SIGLEC6: variants seen among roughly 807,000 people sequenced by gnomAD.
The protein encoded by SIGLEC6 is sialic acid binding Ig like lectin 6.
Under a neutral mutation model 41.4 loss-of-function variants are expected in SIGLEC6, and 31 were observed. The observed-to-expected ratio is 0.75, with a 90% confidence interval of 0.56 to 1.01. The LOEUF (loss-of-function observed/expected upper bound fraction) is 1.01, where lower values mean the gene tolerates loss of function less well. Among genes scored for constraint, SIGLEC6 ranks in the 50% least tolerant of loss-of-function variants. The pLI is 0.00. For missense variants in SIGLEC6, 555 were observed against 558.6 expected (o/e 0.99, Z 0.06); for synonymous variants, 217 against 231.0 (o/e 0.94, Z 0.55).
At chr19:51,525,617 C>G in intron 7 of SIGLEC6, among the ~76,000 whole-genome samples, 1 of 152,206 alleles carries the variant, frequency 6.6e-6, no homozygotes, top group East Asian at 1.9e-4. Context: ...TGGTACTGCC[C>G]TTGATGTCTT....
rs759803891 is a variant in SIGLEC6, at chr19:51,520,140, T to C, written c.1304A>G (p.Gln435Arg). Residue 435 changes from glutamine (Q) to arginine (R), a missense_variant, in exon 8 of 8, where the codon CAA becomes CGA. By Grantham distance (43) the Gln-to-Arg change is conservative (BLOSUM62 1). Transcript: ENST00000425629. ...HYAVLHFHKV[Q>R]PQEPKVTDTE... ...GTCGGTGACCTTTGGTTCCTGAGGT[T>C]GCACCTTGTGGAAGTGTAGGACAGC... 1.9e-5 allele frequency: 30 copies of C among 1,603,846 alleles called. No homozygotes were observed. The highest frequency in any genetic ancestry group is 1.6e-4 in the East Asian group (7 of 44,638).
chr19:51,531,275 G>A lies in SIGLEC6; in HGVS notation c.312C>T (p.Cys104=), dbSNP rs1174370180. 3 of 1,614,188 alleles carry A rather than the reference G, an allele frequency of 1.9e-6. No homozygotes were observed. Among genetic ancestry groups the A allele is most frequent in the South Asian group, 1.1e-5 (1 of 91,086 alleles). The change falls in exon 2 of 8, where the codon TGC becomes TGT. Residue 104 remains cysteine, a synonymous_variant. Transcript: ENST00000425629. ...HLLWDPRRKN[C]SLSIRDARRR... ...TCCGGGCATCTCTGATGCTCAGGGA[G>A]CAGTTCTTCCTTCTGGGATCCCAGA...
Position 51,528,177 on chromosome 19 carries a change from A to G in SIGLEC6, c.1089T>C (p.Cys363=), listed in dbSNP as rs1979556415. Residue 363 remains cysteine (C), a synonymous_variant, in exon 6 of 8, where the codon TGT becomes TGC. Coordinates refer to ENST00000425629, the MANE Select transcript of SIGLEC6 (RefSeq NM_001245.7). ...GASITTLVFL[C]VCFIFRVKTR... ...ACTCTCACCTGAAGATGAAGCAAAC[A>G]CAGAGGAAAACCAGGGTTGTGATGC... 6 of 1,614,022 alleles carry G rather than the reference A, an allele frequency of 3.7e-6. No individual in the cohort carries two copies. Among genetic ancestry groups the G allele is most frequent in the Non-Finnish European group, 5.1e-6 (6 of 1,180,008 alleles).
At chr19:51,527,634 T>A in intron 7 of SIGLEC6, 113 bp downstream of exon 7, 1 of 810,344 alleles carries the variant, frequency 1.2e-6, no homozygotes, top group Non-Finnish European at 2.0e-6. Flanking sequence ...AAATGTCACA[T>A]GTGGAACCGC....
intron 5 of SIGLEC6, among the ~76,000 whole-genome samples, chr19:51,528,693 A>G (rs1007073173): frequency 1.3e-5 from 2 of 152,060 alleles, no homozygotes; most frequent in Admixed American, 6.6e-5. Flanking sequence ...TAAAAAGGGG[A>G]AAATGTGGGT....
chr19:51,522,953 T>C (rs1031624758), intron 7 of SIGLEC6, among the ~76,000 whole-genome samples: 3 of 152,054 alleles, frequency 2.0e-5, no homozygotes, highest in Non-Finnish European at 4.4e-5. Flanking sequence ...CTGGGCAACA[T>C]GGTGAGACCC....
intron 7 of SIGLEC6, among the ~76,000 whole-genome samples, chr19:51,522,383 A>G (rs1321349150): frequency 6.6e-6 from 1 of 152,272 alleles, no homozygotes; most frequent in Non-Finnish European, 1.5e-5. Flanking sequence ...ACCTATGCGA[A>G]GAAGCTGTGG....
At chr19:51,522,536 G>T (rs1314546185) in intron 7 of SIGLEC6, among the ~76,000 whole-genome samples, 1 of 152,208 alleles carries the variant, frequency 6.6e-6, no homozygotes, top group East Asian at 1.9e-4. Context: ...TGTAATCCCA[G>T]AACTTTGGGA....
At position 51,520,078 on chromosome 19, in the gene SIGLEC6, T is replaced by C. The variant is rs199828621; in HGVS notation, c.*4A>G. On this transcript the variant is annotated 3_prime_UTR_variant, in exon 8 of 8. Coordinates refer to ENST00000425629, the MANE Select transcript of SIGLEC6 (RefSeq NM_001245.7). ...CAATCAAGGTTATGGCTTTGGACAATTCCTCACTTGTGTATCTTGATTTCT... is the reference window on the plus strand; with the variant it reads ...CAATCAAGGTTATGGCTTTGGACAACTCCTCACTTGTGTATCTTGATTTCT... 5,618 of 1,550,600 alleles carry C rather than the reference T, an allele frequency of 3.6e-3. 19 individuals carry two copies. The highest frequency in any genetic ancestry group is 4.3e-3 in the Non-Finnish European group (4,904 of 1,134,136).
intron 7 of SIGLEC6, among the ~76,000 whole-genome samples, chr19:51,524,559 T>C (rs1978876944): frequency 1.3e-5 from 2 of 152,232 alleles, no homozygotes; most frequent in Admixed American, 6.5e-5. Context: ...CTTGACCTGA[T>C]TGACATTTAT....
At position 51,523,534 on chromosome 19, in the gene SIGLEC6, C is replaced by A. The variant is rs534390625; in HGVS notation, c.1189-3279G>T. Among the ~76,000 whole-genome samples the A allele has an allele frequency of 9.2e-5, 14 of 152,222 alleles. No homozygotes were observed. The East Asian group carries it at 2.7e-3, about 29-fold the overall frequency. ...CATGTCATAATCCTATTGCTGAAAA[C>A]CAACAAGGAAAAGAAATGTGCCCTA... is the stretch of plus-strand genomic sequence containing the variant. On this transcript the variant is annotated intron_variant, in intron 7 of 7. Coordinates refer to ENST00000425629, the MANE Select transcript of SIGLEC6 (RefSeq NM_001245.7).
chr19:51,531,497 T>A lies in SIGLEC6; in HGVS notation c.90A>T (p.Arg30Ser), dbSNP rs1373991523. 4.3e-6 allele frequency: 7 copies of A among 1,613,630 alleles called. No individual in the cohort carries two copies. Among genetic ancestry groups the A allele is most frequent in the Non-Finnish European group, 5.9e-6 (7 of 1,179,842 alleles). The change falls in exon 2 of 8, where the codon AGA becomes AGT. Residue 30 changes from arginine (R) to serine (S), a missense_variant. Transcript: ENST00000425629. ...GTGACTCTGGCCCCTCCAGCTGGAATCTCCGCTCCTGAGCCAGGGCCCCTA... is the reference window on the plus strand; with the variant it reads ...GTGACTCTGGCCCCTCCAGCTGGAAACTCCGCTCCTGAGCCAGGGCCCCTA... Reference protein sequence around the residue: ...LWAGALAQERRFQLEGPESLT... With the variant: ...LWAGALAQERSFQLEGPESLT...
intron 7 of SIGLEC6, among the ~76,000 whole-genome samples, chr19:51,523,885 C>T (rs1037897238): frequency 1.7e-4 from 26 of 152,092 alleles, no homozygotes; most frequent in South Asian, 4.2e-4. Context: ...TAGCTGGGCG[C>T]GGTGGCGGGC....
chr19:51,525,069 G>A (rs1195869718), intron 7 of SIGLEC6, among the ~76,000 whole-genome samples: 1 of 152,170 alleles, frequency 6.6e-6, no homozygotes, highest in Admixed American at 6.5e-5. Flanking sequence ...TGAGCAGCTG[G>A]GCACCAGGTG....
chr19:51,531,195 C>G lies in SIGLEC6; in HGVS notation c.392G>C (p.Gly131Ala). ...CACAGAGAGCTTGGAAGATGTATAA[C>G]CGTATTTCATCCATTTGGACTTCAA... ...FRLKSKWMKYGYTSSKLSVRV... is the reference protein window; with the variant it reads ...FRLKSKWMKYAYTSSKLSVRV... Residue 131 changes from glycine to alanine, a missense_variant, in exon 2 of 8, where the codon GGT (glycine) becomes GCT (alanine). Coordinates refer to ENST00000425629, the MANE Select transcript of SIGLEC6 (RefSeq NM_001245.7). 6.2e-7 allele frequency: 1 copy of G among 1,605,852 alleles called. No individual in the cohort carries two copies. Among genetic ancestry groups the G allele is most frequent in the Non-Finnish European group, 8.5e-7 (1 of 1,175,396 alleles).
In SIGLEC6 at chr19:51,531,255, G is replaced by T; in HGVS notation, c.332C>A (p.Ala111Asp). ...RKNCSLSIRD[A>D]RRRDNAAYFF... is the part of the protein sequence containing the mutation. ...GTATGCAGCATTGTCCCTCCTCCGG[G>T]CATCTCTGATGCTCAGGGAGCAGTT... The change falls in exon 2 of 8, where the codon GCC (alanine) becomes GAC (aspartate). Residue 111 changes from alanine to aspartate, a missense_variant. Transcript: ENST00000425629. 1 of 1,614,140 alleles carries T rather than the reference G, an allele frequency of 6.2e-7. No individual in the cohort carries two copies. The highest frequency in any genetic ancestry group is 1.3e-5 in the African/African-American group (1 of 75,038).
chr19:51,525,509 A>G (rs1469777690), intron 7 of SIGLEC6, among the ~76,000 whole-genome samples: 1 of 152,178 alleles, frequency 6.6e-6, no homozygotes, highest in Non-Finnish European at 1.5e-5. Flanking sequence ...CCCCCAGCAC[A>G]GCTGCCCTGC....
intron 5 of SIGLEC6, 99 bp downstream of exon 5, chr19:51,529,625 T>C: frequency 2.0e-6 from 3 of 1,502,944 alleles, no homozygotes; most frequent in South Asian, 2.4e-5. Flanking sequence ...GTGAGGGGTC[T>C]GGGGAGGGAG....
rs1990671100 is a variant in SIGLEC6 at position 51,518,343 on chromosome 19, TG to T, written c.*1738del. ...TGGTTTTTTGCTTGTTTGTTTGTTT[TG>T]TTTTGCTTTTTCTGAGTTGGAGTCT... On this transcript the variant is annotated 3_prime_UTR_variant, in exon 8 of 8. Transcript: ENST00000425629. Among the ~76,000 whole-genome samples, 2 of 152,196 alleles carry T rather than the reference TG, an allele frequency of 1.3e-5. No homozygotes were observed. The highest frequency in any genetic ancestry group is 1.3e-4 in the Admixed American group (2 of 15,270).
Sources: gnomAD v4.1 joint callset for allele counts (sites outside exome capture counted in the v4.1 genomes callset) on GRCh38, gnomAD v4.1.1 for gene constraint, MANE v1.5 for transcripts, NCBI Gene and HGNC (gene_info 2026-07-23, HGNC 2026-07-21) for gene names.